IQCF5: variants seen among roughly 807,000 people sequenced by gnomAD.
The protein encoded by IQCF5 is IQ domain-containing protein F5.
A neutral mutation model predicts 3.4 loss-of-function variants in IQCF5; 2 were observed. The ratio of observed to expected loss-of-function variants is 0.58; its 90% confidence interval spans 0.24 to 1.84. IQCF5 has a LOEUF of 1.84. Among genes scored for constraint, IQCF5 ranks in the 40% most tolerant of loss-of-function variants. IQCF5 has a pLI of 0.17. For synonymous variants in IQCF5, 58 were observed against 64.7 expected, an observed-to-expected ratio of 0.90 and a Z score of 0.49; for missense variants, 167 against 191.6, an observed-to-expected ratio of 0.87 and a Z score of 0.76.
At chr3:51,874,348 A>G (rs2107218079) in intron 1 of IQCF5, 173 bp from the exon 2 acceptor site, 1 of 725,212 alleles carries the variant, frequency 1.4e-6, no homozygotes. Context: ...TGCTCACCTC[A>G]CTTGACCTCT....
rs145166350 is a variant in IQCF5, at chr3:51,873,854, C to T, written c.326G>A (p.Arg109His). Residue 109 changes from arginine to histidine, a missense_variant, in exon 2 of 2, where the codon CGT becomes CAT. Physicochemically the swap from Arg to His is conservative, Grantham distance 29. Transcript: ENST00000446461. ...TTCATAGTGGCCCTCAATAAAGACA[C>T]GGGAATGGCAGCTGTGCCAGCGCCA... ...VYWRWHSCHS[R>H]VFIEGHYELK... 380 of 1,551,740 alleles carry T rather than the reference C, an allele frequency of 2.4e-4. 3 individuals carry two copies. The East Asian group carries it at 3.8e-3, about 16-fold the overall frequency.
chr3:51,874,088 A>T lies in IQCF5; in HGVS notation c.92T>A (p.Leu31Gln), dbSNP rs1698769716. Residue 31 changes from leucine to glutamine, a missense_variant, in exon 2 of 2, where the codon CTG becomes CAG. Leu to Gln is a moderately radical substitution (Grantham distance 113). Coordinates refer to ENST00000446461, the MANE Select transcript of IQCF5 (RefSeq NM_001145059.2). ...CCAAGCCCTGAGGGCTGCATGCAGC[A>T]GTGTGCGTCGCACCAGCATGCCCCG... The part of the protein sequence containing the change: ...WWRGMLVRRT[L>Q]LHAALRAWII... 6.4e-7 allele frequency: 1 copy of T among 1,552,904 alleles called. No individual in the cohort carries two copies. The highest frequency in any genetic ancestry group is 1.4e-5 in the African/African-American group (1 of 73,110).
In IQCF5 at chr3:51,874,098, G is replaced by A. The variant is rs111285759; in HGVS notation, c.82C>T (p.Arg28Ter). The A allele has an allele frequency of 2.0e-5, 31 of 1,552,588 alleles. No individual in the cohort carries two copies. The highest frequency in any genetic ancestry group is 1.2e-4 in the African/African-American group (9 of 73,192). ...IQAWWRGMLV[R>*]RTLLHAALRA... ...AGGGCTGCATGCAGCAGTGTGCGTC[G>A]CACCAGCATGCCCCGCCACCAGGCC... Residue 28 changes from arginine (R) to a stop codon, truncating the protein, a stop_gained, in exon 2 of 2, where the codon CGA becomes TGA. Transcript: ENST00000446461. LOFTEE classifies it low-confidence loss of function (END_TRUNC).
In IQCF5 at chr3:51,874,372, C is replaced by T; in HGVS notation, c.5-197G>A. 4.2e-6 allele frequency: 3 copies of T among 706,068 alleles called. No homozygotes were observed. In the South Asian group the frequency reaches 4.5e-5, roughly 11 times the overall value. The allele number at this position is 706,068 out of a possible 1,614,324, so 43.7% of individuals were successfully genotyped here. ...CACTTGACCTCTGAGTTTCAATGTC[C>T]CCATCTGCAAAATAGGTGTACATCT... On this transcript the variant is annotated intron_variant, in intron 1 of 1. Transcript: ENST00000446461.
At position 51,873,788 on chromosome 3, in the gene IQCF5, A is replaced by G; in HGVS notation, c.392T>C (p.Leu131Ser). The change falls in exon 2 of 2, where the codon TTG (leucine) becomes TCG (serine). Residue 131 changes from leucine (L) to serine (S), a missense_variant. Coordinates refer to ENST00000446461, the MANE Select transcript of IQCF5 (RefSeq NM_001145059.2). ...NQLNIQLEISLGLQACKVQQC... is the reference protein window; with the variant it reads ...NQLNIQLEISSGLQACKVQQC... ...TTGCACCTTACAAGCCTGTAAGCCC[A>G]AAGAGATTTCAAGTTGAATATTAAG... 1.3e-6 allele frequency: 2 copies of G among 1,551,778 alleles called. No individual in the cohort carries two copies. Among genetic ancestry groups the G allele is most frequent in the South Asian group, 1.2e-5 (1 of 84,068 alleles).
At position 51,874,013 on chromosome 3, in the gene IQCF5, C is replaced by T. The variant is rs776065920; in HGVS notation, c.167G>A (p.Arg56Lys). The T allele has an allele frequency of 1.4e-5, 21 of 1,552,734 alleles. No homozygotes were observed. Among genetic ancestry groups the T allele is most frequent in the Non-Finnish European group, 1.7e-5 (19 of 1,147,438 alleles). Reference sequence around the variant, plus strand: ...ATAGAACTCCAACACCATCCTCCGCCTCTTTGCCAGCAGCTTCTCCAGCAC... The same window carrying T: ...ATAGAACTCCAACACCATCCTCCGCTTCTTTGCCAGCAGCTTCTCCAGCAC... Reference protein sequence around the residue: ...RQVLEKLLAKRRRMVLEFYVQ... With the variant: ...RQVLEKLLAKKRRMVLEFYVQ... The change falls in exon 2 of 2, where the codon AGG (arginine) becomes AAG (lysine). Residue 56 changes from arginine to lysine, a missense_variant. Physicochemically the swap from Arg to Lys is conservative, Grantham distance 26 (BLOSUM62 2). Transcript: ENST00000446461.
intron 1 of IQCF5, 56 bp from the exon 2 acceptor site, chr3:51,874,231 T>TATC: frequency 6.7e-7 from 1 of 1,490,332 alleles, no homozygotes; most frequent in Admixed American, 2.0e-5. Flanking sequence ...CCTGATCCTC[T>TATC]ATCAATGATG....
intron 1 of IQCF5, chr3:51,874,395 T>C: frequency 1.4e-6 from 1 of 694,134 alleles, no homozygotes; most frequent in Non-Finnish European, 2.6e-6. Flanking sequence ...TAGGTGTACA[T>C]CTGCCCTAGC....
rs1165067029 is a variant in IQCF5, at chr3:51,873,768, C to T, written c.412G>A (p.Val138Met). 5 of 1,551,510 alleles carry T rather than the reference C, an allele frequency of 3.2e-6. No individual in the cohort carries two copies. The highest frequency in any genetic ancestry group is 4.4e-6 in the Non-Finnish European group (5 of 1,146,960). The change falls in exon 2 of 2, where the codon GTG (valine) becomes ATG (methionine). Residue 138 changes from valine to methionine, a missense_variant. Coordinates refer to ENST00000446461, the MANE Select transcript of IQCF5 (RefSeq NM_001145059.2). Reference protein sequence around the residue: ...EISLGLQACKVQQCIPLPLKE With the variant: ...EISLGLQACKMQQCIPLPLKE ...AATGGAAGGGGTATGCATTGTTGCA[C>T]CTTACAAGCCTGTAAGCCCAAAGAG...
chr3:51,874,245 C>T (rs1698773314), intron 1 of IQCF5, 70 bp from the exon 2 acceptor site: 2 of 1,459,584 alleles, frequency 1.4e-6, no homozygotes, highest in Non-Finnish European at 9.3e-7. Context: ...AATGATGGCT[C>T]CTTCCTCTAA....
chr3:51,874,425 T>C (rs1157995929), intron 1 of IQCF5: 2 of 658,140 alleles, frequency 3.0e-6, no homozygotes, highest in African/African-American at 1.8e-5. Flanking sequence ...CCATTTTCCA[T>C]GGACCTTGCT....
In IQCF5 at chr3:51,873,733, T is replaced by C. The variant is rs1224071792; in HGVS notation, c.447A>G (p.Ter149TrpextTer?). 5 of 1,546,606 alleles carry C rather than the reference T, an allele frequency of 3.2e-6. No homozygotes were observed. The highest frequency in any genetic ancestry group is 2.7e-5 in the African/African-American group (2 of 72,924). ...GGGGACACAGATATAGCAGACCTGG[T>C]CATTCTTTTAATGGAAGGGGTATGC... ...QQCIPLPLKE* is the reference protein window; with the variant it reads ...QQCIPLPLKEW The change falls in exon 2 of 2, where the codon TGA (stop) becomes TGG (tryptophan). Residue 149 changes from the stop codon to tryptophan, a stop_lost. Coordinates refer to ENST00000446461, the MANE Select transcript of IQCF5 (RefSeq NM_001145059.2).
chr3:51,873,762 G>A lies in IQCF5; in HGVS notation c.418C>T (p.Gln140Ter). Residue 140 changes from glutamine (Q) to a stop codon, truncating the protein, a stop_gained, in exon 2 of 2, where the codon CAA (glutamine) becomes TAA (stop). Coordinates refer to ENST00000446461, the MANE Select transcript of IQCF5 (RefSeq NM_001145059.2). LOFTEE classifies it high-confidence loss of function. Reference sequence around the variant, plus strand: ...TCTTTTAATGGAAGGGGTATGCATTGTTGCACCTTACAAGCCTGTAAGCCC... The same window carrying A: ...TCTTTTAATGGAAGGGGTATGCATTATTGCACCTTACAAGCCTGTAAGCCC... ...SLGLQACKVQQCIPLPLKE is the reference protein window; with the variant it reads ...SLGLQACKVQ 6.4e-7 allele frequency: 1 copy of A among 1,551,600 alleles called. No homozygotes were observed. The highest frequency in any genetic ancestry group is 8.7e-7 in the Non-Finnish European group (1 of 1,146,900).
Position 51,874,040 on chromosome 3 carries a change from T to C in IQCF5, c.140A>G (p.Gln47Arg). The change falls in exon 2 of 2, where the codon CAG becomes CGG. Residue 47 changes from glutamine (Q) to arginine (R), a missense_variant. Physicochemically the swap from Gln to Arg is conservative, Grantham distance 43. Transcript: ENST00000446461. ...RAWIIQCWWR[Q>R]VLEKLLAKRR... ...CTTTGCCAGCAGCTTCTCCAGCACC[T>C]GCCTCCACCAGCACTGAATGATCCA... The C allele has an allele frequency of 1.3e-6, 2 of 1,553,376 alleles. No homozygotes were observed. Among genetic ancestry groups the C allele is most frequent in the Non-Finnish European group, 1.7e-6 (2 of 1,147,836 alleles).
In IQCF5 at chr3:51,873,733, T is replaced by A; in HGVS notation, c.447A>T (p.Ter149CysextTer?). ...QQCIPLPLKE[*>C] ...GGGGACACAGATATAGCAGACCTGG[T>A]CATTCTTTTAATGGAAGGGGTATGC... Residue 149 changes from the stop codon to cysteine (C), a stop_lost, in exon 2 of 2, where the codon TGA (stop) becomes TGT (cysteine). Coordinates refer to ENST00000446461, the MANE Select transcript of IQCF5 (RefSeq NM_001145059.2). The A allele has an allele frequency of 1.9e-6, 3 of 1,546,724 alleles. No homozygotes were observed. The highest frequency in any genetic ancestry group is 2.6e-6 in the Non-Finnish European group (3 of 1,142,934).
At chr3:51,875,353 G>A in intron 1 of IQCF5, 175 bp downstream of exon 1, 2 of 711,316 alleles carry the variant, frequency 2.8e-6, no homozygotes, top group Non-Finnish European at 5.0e-6. Context: ...ACTGTTTCTA[G>A]ACAGCTTCCT....
At position 51,873,886 on chromosome 3, in the gene IQCF5, C is replaced by T. The variant is rs1378898277; in HGVS notation, c.294G>A (p.Gln98=). The part of the protein sequence containing the change: ...CRLLNAVRII[Q]VYWRWHSCHS... The stretch of plus-strand genomic sequence containing the variant: ...GGCAGCTGTGCCAGCGCCAATAGAC[C>T]TGGATGATGCGGACAGCGTTGAGCA... Residue 98 remains glutamine (Q), a synonymous_variant, in exon 2 of 2, where the codon CAG becomes CAA. Coordinates refer to ENST00000446461, the MANE Select transcript of IQCF5 (RefSeq NM_001145059.2). 1.1e-5 allele frequency: 17 copies of T among 1,551,654 alleles called. No individual in the cohort carries two copies. Among genetic ancestry groups the T allele is most frequent in the African/African-American group, 1.4e-5 (1 of 73,068 alleles).
In IQCF5 at chr3:51,873,828, G is replaced by T; in HGVS notation, c.352C>A (p.Leu118Ile). 6.4e-7 allele frequency: 1 copy of T among 1,551,734 alleles called. No individual in the cohort carries two copies. Among genetic ancestry groups the T allele is most frequent in the Non-Finnish European group, 8.7e-7 (1 of 1,146,988 alleles). The change falls in exon 2 of 2, where the codon CTC becomes ATC. Residue 118 changes from leucine (L) to isoleucine (I), a missense_variant. Transcript: ENST00000446461. ...SRVFIEGHYE[L>I]KENQLNIQLE... ...TGAATATTAAGTTGGTTTTCTTTGA[G>T]TTCATAGTGGCCCTCAATAAAGACA...
Position 51,875,412 on chromosome 3 carries a change from C to G in IQCF5, c.4+116G>C, listed in dbSNP as rs1008935031. The G allele has an allele frequency of 1.1e-5, 12 of 1,125,950 alleles. No individual in the cohort carries two copies. The African/African-American group carries it at 1.9e-4, about 17-fold the overall frequency. The allele number at this position is 1,125,950 out of a possible 1,614,324, so 69.7% of individuals were successfully genotyped here. A position where few individuals can be genotyped will look rare whatever the true frequency, so the allele number is the denominator to read the frequency against. ...TGGAGGGGGGTCCTGTCATGAGTAA[C>G]TGTGGGGAACTTACTCTCCCCTCAG... On this transcript the variant is annotated intron_variant, in intron 1 of 1. Transcript: ENST00000446461.
Sources: gnomAD v4.1 joint callset for allele counts on GRCh38, gnomAD v4.1.1 for gene constraint, MANE v1.5 for transcripts, NCBI Gene and HGNC (gene_info 2026-07-23, HGNC 2026-07-21) for gene names.